Variants in PECAM1 observed in about 807,000 individuals in gnomAD.
PECAM1 encodes the protein platelet and endothelial cell adhesion molecule 1, also known as platelet endothelial cell adhesion molecule.
Under a neutral mutation model 13.8 loss-of-function variants are expected in PECAM1, and 8 were observed. That is an observed-to-expected ratio of 0.58 (90% confidence interval 0.34 to 1.05). PECAM1 has a LOEUF of 1.05. Among genes scored for constraint, PECAM1 ranks in the 50% least tolerant of loss-of-function variants. The pLI is 0.03. For missense variants in PECAM1, 304 were observed against 141.2 expected (o/e 2.15, Z -5.84); for synonymous variants, 136 against 52.6 (o/e 2.58, Z -6.86).
intron 6 of PECAM1, among the ~76,000 whole-genome samples, chr17:64,360,809 A>G (rs1420705541): frequency 5.0e-5 from 5 of 99,950 alleles, no homozygotes; most frequent in Non-Finnish European, 1.1e-4. Flanking sequence ...CAAGTAGCCA[A>G]CAAAATGTGT....
chr17:64,385,882 G>A (rs2036582332), intron 2 of PECAM1, among the ~76,000 whole-genome samples: 1 of 152,232 alleles, frequency 6.6e-6, no homozygotes, highest in African/African-American at 2.4e-5. Context: ...AAACCAGAGT[G>A]TGGGGCTAGA....
At chr17:64,345,087 A>G (rs2035529833) in intron 13 of PECAM1, among the ~76,000 whole-genome samples, 2 of 152,170 alleles carry the variant, frequency 1.3e-5, no homozygotes, top group Non-Finnish European at 2.9e-5. Flanking sequence ...CCTGGGCTCA[A>G]GTGATCCTCT....
chr17:64,319,715 G>C lies in PECAM1; in HGVS notation c.*4101C>G, dbSNP rs2034785484. ...AGGCATTTTTCCCCTTACCAGTCGT[G>C]CGTTCCCAGAGGAAGGTAGGTCATA... On this transcript the variant is annotated 3_prime_UTR_variant, in exon 16 of 16. Coordinates refer to ENST00000563924, the MANE Select transcript of PECAM1 (RefSeq NM_000442.5). 1 of 152,132 alleles carries C rather than the reference G, an allele frequency of 6.6e-6. No homozygotes were observed. The highest frequency in any genetic ancestry group is 2.4e-5 in the African/African-American group (1 of 41,416). 9.4% of individuals were successfully genotyped at this position (152,132 alleles called of 1,614,324 possible).
intron 9 of PECAM1, among the ~76,000 whole-genome samples, chr17:64,354,065 G>T (rs1391260625): frequency 6.6e-6 from 1 of 151,358 alleles, no homozygotes; most frequent in African/African-American, 2.4e-5. Flanking sequence ...TCAGCCTCCT[G>T]AGTAGCTGCA....
intron 7 of PECAM1, among the ~76,000 whole-genome samples, chr17:64,359,667 A>C (rs994840989): frequency 1.3e-5 from 2 of 151,858 alleles, no homozygotes; most frequent in African/African-American, 4.8e-5. Flanking sequence ...ATAGCCCCCA[A>C]ATATTTTCCA....
chr17:64,341,048 A>G (rs2035414861), intron 14 of PECAM1, among the ~76,000 whole-genome samples: 1 of 148,938 alleles, frequency 6.7e-6, no homozygotes, highest in East Asian at 2.0e-4. Flanking sequence ...GTGAGCCGAG[A>G]TCGCTCCATT....
intron 14 of PECAM1, among the ~76,000 whole-genome samples, chr17:64,337,666 G>A (rs1257583585): frequency 6.6e-6 from 1 of 151,918 alleles, no homozygotes; most frequent in Admixed American, 6.6e-5. Flanking sequence ...TGGGTTCTAC[G>A]ATGCCTATAG....
chr17:64,356,023 C>G, intron 8 of PECAM1, 88 bp downstream of exon 8: 1 of 461,092 alleles, frequency 2.2e-6, no homozygotes, highest in Non-Finnish European at 3.9e-6. Context: ...AGCTAGACTC[C>G]CCCCCAACTC....
At chr17:64,378,589 G>A (rs1353995718) in intron 2 of PECAM1, among the ~76,000 whole-genome samples, 3 of 151,716 alleles carry the variant, frequency 2.0e-5, no homozygotes, top group Non-Finnish European at 4.4e-5. Context: ...TTGCAGTGAG[G>A]TGAGATCTCA....
intron 13 of PECAM1, 29 bp downstream of exon 13, chr17:64,348,231 G>C: frequency 2.1e-6 from 1 of 474,884 alleles, no homozygotes; most frequent in Non-Finnish European, 3.9e-6. Context: ...CAAAGGCAAT[G>C]CCTGGGGACT....
intron 2 of PECAM1, among the ~76,000 whole-genome samples, chr17:64,383,693 C>T (rs1421378541): frequency 6.6e-6 from 1 of 152,158 alleles, no homozygotes; most frequent in Non-Finnish European, 1.5e-5. Flanking sequence ...TTTATAAAAG[C>T]CCTCCCTTTT....
At chr17:64,348,407 CT>C (rs869282884) in intron 12 of PECAM1, 85 bp from the exon 13 acceptor site, 33,690 of 292,874 alleles carry the variant, frequency 0.12, 55 homozygotes, top group East Asian at 0.23. Context: ...ACTTTCTTTT[CT>C]TTTTTTTTTT....
At position 64,323,511 on chromosome 17, in the gene PECAM1, G is replaced by A. The variant is rs2034857649; in HGVS notation, c.*305C>T. The A allele has an allele frequency of 7.5e-7, 1 of 1,340,814 alleles. No homozygotes were observed. The highest frequency in any genetic ancestry group is 1.5e-5 in the African/African-American group (1 of 67,874). 83.1% of individuals were successfully genotyped at this position (1,340,814 alleles called of 1,614,324 possible). ...TCTCTGCACAAAACAAAATATTCAAGTTTCAGAATATCCCAATGGCCTTGC... is the reference window on the plus strand; with the variant it reads ...TCTCTGCACAAAACAAAATATTCAAATTTCAGAATATCCCAATGGCCTTGC... On this transcript the variant is annotated 3_prime_UTR_variant, in exon 16 of 16. Transcript: ENST00000563924.
Position 64,323,141 on chromosome 17 carries a change from T to C in PECAM1, c.*675A>G, listed in dbSNP as rs1395807829. On this transcript the variant is annotated 3_prime_UTR_variant, in exon 16 of 16. Transcript: ENST00000563924. ...ATGGTAGAGGAAAAGAGAAAGAGTGTAGACAAAAACAGTTGAAGAACATCT... is the reference window on the plus strand; with the variant it reads ...ATGGTAGAGGAAAAGAGAAAGAGTGCAGACAAAAACAGTTGAAGAACATCT... The C allele has an allele frequency of 2.0e-6, 2 of 985,860 alleles. No individual in the cohort carries two copies. Among genetic ancestry groups the C allele is most frequent in the East Asian group, 1.1e-4 (1 of 8,840 alleles). 61.1% of individuals were successfully genotyped at this position (985,860 alleles called of 1,614,324 possible).
chr17:64,331,083 C>A (rs1369374965), intron 14 of PECAM1, among the ~76,000 whole-genome samples: 1 of 152,186 alleles, frequency 6.6e-6, no homozygotes, highest in Non-Finnish European at 1.5e-5. Context: ...CTTCCAGGAG[C>A]AGGCTCAACA....
chr17:64,368,787 A>G (rs2036168058), intron 5 of PECAM1, among the ~76,000 whole-genome samples: 2 of 150,078 alleles, frequency 1.3e-5, no homozygotes, highest in South Asian at 4.3e-4. Flanking sequence ...TGGGAGGCAG[A>G]GGTTGTAGTG....
At chr17:64,378,668 C>T (rs1020464802) in intron 2 of PECAM1, 2 of 151,874 alleles carry the variant, frequency 1.3e-5, no homozygotes, top group East Asian at 3.9e-4. Flanking sequence ...AAGATATAGG[C>T]ATTCTGTGAG....
chr17:64,349,587 C>CAA lies in PECAM1; in HGVS notation c.2044+791_2044+792dup, dbSNP rs72236584. Among the ~76,000 whole-genome samples, 53 of 64,154 alleles carry CAA rather than the reference C, an allele frequency of 8.3e-4. 2 individuals are homozygous for CAA. Among genetic ancestry groups the CAA allele is most frequent in the South Asian group, 1.8e-3 (2 of 1,138 alleles). 42.1% of individuals were successfully genotyped at this position (64,154 alleles called of 152,430 possible). A position where few individuals can be genotyped will look rare whatever the true frequency, so the allele number is the denominator to read the frequency against. The stretch of plus-strand genomic sequence containing the variant: ...TGGGTGACAGAGTAAGACTCTGTAT[C>CAA]AAAAAAAAAAAAAAAAGAGCCAGGC... On this transcript the variant is annotated intron_variant, in intron 12 of 15. Transcript: ENST00000563924.
At chr17:64,342,597 G>T (rs1275739116) in intron 13 of PECAM1, among the ~76,000 whole-genome samples, 1 of 152,022 alleles carries the variant, frequency 6.6e-6, no homozygotes, top group Admixed American at 6.6e-5. Context: ...GATTGGTCTG[G>T]GGGGGTCCCT....
Sources: allele counts gnomAD v4.1 joint callset (sites outside exome capture counted in the v4.1 genomes callset), GRCh38; gene constraint gnomAD v4.1.1; transcripts MANE v1.5; gene names NCBI Gene and HGNC (gene_info 2026-07-23, HGNC 2026-07-21).